ATG4D: variants seen among roughly 807,000 people sequenced by gnomAD.
ATG4D encodes cysteine protease ATG4D.
A neutral mutation model predicts 55.2 loss-of-function variants in ATG4D; 51 were observed. The ratio of observed to expected loss-of-function variants is 0.92; its 90% CI spans 0.74 to 1.17. The LOEUF (loss-of-function observed/expected upper bound fraction) is 1.17, where lower values mean the gene tolerates loss of function less well. ATG4D is among the 50% of genes most tolerant of loss of function. The probability of loss-of-function intolerance (pLI) is 0.00; values close to 1 mark genes in which losing one functional copy is unlikely to be tolerated. For missense variants in ATG4D, 635 were observed against 649.6 expected (o/e 0.98, Z 0.25); for synonymous variants, 268 against 266.2 (o/e 1.01, Z -0.07).
At chr19:10,552,163 G>A (rs780638134) in intron 8 of ATG4D, 42 bp downstream of exon 8, 3 of 1,610,076 alleles carry the variant, frequency 1.9e-6, no homozygotes, top group Non-Finnish European at 2.5e-6. Context: ...CATGGCGGGT[G>A]GGCAGCCCAG....
chr19:10,552,912 C>A lies in ATG4D; in HGVS notation c.1270C>A (p.Arg424=). 6.2e-7 allele frequency: 1 copy of A among 1,612,716 alleles called. No homozygotes were observed. ...CCTCAGCTCCTCCTCAGCCACAGAG[C>A]GGTACCCCATGTTCACCCTGGCCGA... The part of the protein sequence containing the change: ...RVLSSSSATE[R]YPMFTLAEGH... Residue 424 remains arginine (R), a synonymous_variant, in exon 10 of 10, where the codon CGG becomes AGG. Coordinates refer to ENST00000309469, the MANE Select transcript of ATG4D (RefSeq NM_032885.6).
intron 5 of ATG4D, among the ~76,000 whole-genome samples, chr19:10,548,557 T>C (rs1430432055): frequency 6.6e-6 from 1 of 152,112 alleles, no homozygotes; most frequent in Admixed American, 6.6e-5. Flanking sequence ...GTGCTCCAGC[T>C]TCTGTATTGG....
Position 10,552,319 on chromosome 19 carries a change from A to AC in ATG4D, c.1239dup (p.Arg414GlnfsTer56), listed in dbSNP as rs1296618769. ...GTTTGAGACACTCTGCTCAGAGCTG[A>AC]CCAGGGTGAGCAAGAGGAAAGCTGG... On this transcript the variant is annotated frameshift_variant, in exon 9 of 10. Coordinates refer to ENST00000309469, the MANE Select transcript of ATG4D (RefSeq NM_032885.6). LOFTEE classifies it high-confidence loss of function. 4 of 1,611,530 alleles carry AC rather than the reference A, an allele frequency of 2.5e-6. No homozygotes were observed. The highest frequency in any genetic ancestry group is 3.4e-6 in the Non-Finnish European group (4 of 1,179,180).
intron 6 of ATG4D, among the ~76,000 whole-genome samples, chr19:10,549,871 A>G (rs1235431851): frequency 1.3e-5 from 2 of 151,954 alleles, no homozygotes; most frequent in South Asian, 2.1e-4. Context: ...AGCAGTGGCT[A>G]TGTAACCAAA....
At chr19:10,551,631 C>T (rs954962874) in intron 6 of ATG4D, among the ~76,000 whole-genome samples, 9 of 136,398 alleles carry the variant, frequency 6.6e-5, no homozygotes, top group African/African-American at 2.0e-4. Context: ...ACTTAGGAGG[C>T]GGAGGTTGCG....
rs1916356338 is a variant in ATG4D at position 10,553,150 on chromosome 19, G to C, written c.*83G>C. ...GGGTGTGGGATCTTGAGCTCTGGCA[G>C]TGATGATGGTACTTCCTGTTGTCAG... On this transcript the variant is annotated 3_prime_UTR_variant, in exon 10 of 10. Coordinates refer to ENST00000309469, the MANE Select transcript of ATG4D (RefSeq NM_032885.6). 5 of 1,438,878 alleles carry C rather than the reference G, an allele frequency of 3.5e-6. No homozygotes were observed. The highest frequency in any genetic ancestry group is 4.6e-6 in the Non-Finnish European group (5 of 1,083,900). 89.1% of individuals were successfully genotyped at this position (1,438,878 alleles called of 1,614,324 possible). A position where few individuals can be genotyped will look rare whatever the true frequency, so the allele number is the denominator to read the frequency against.
In ATG4D at chr19:10,552,275, A is replaced by G; in HGVS notation, c.1193A>G (p.Tyr398Cys). 3 of 1,613,680 alleles carry G rather than the reference A, an allele frequency of 1.9e-6. No individual in the cohort carries two copies. The highest frequency in any genetic ancestry group is 2.5e-6 in the Non-Finnish European group (3 of 1,180,012). Residue 398 changes from tyrosine to cysteine, a missense_variant, in exon 9 of 10, where the codon TAT becomes TGT. Tyr to Cys is a radical substitution (Grantham distance 194). Transcript: ENST00000309469. Reference protein sequence around the residue: ...KMDPSCTVGFYAGDRKEFETL... With the variant: ...KMDPSCTVGFCAGDRKEFETL... ...GACCCAAGCTGTACCGTGGGCTTCT[A>G]TGCTGGAGACAGGAAGGAGTTTGAG...
chr19:10,549,456 T>G (rs1215962453), intron 6 of ATG4D, among the ~76,000 whole-genome samples: 1 of 151,074 alleles, frequency 6.6e-6, no homozygotes, highest in African/African-American at 2.4e-5. Flanking sequence ...CTTGCTCTTT[T>G]GCCCAGGCTG....
At position 10,552,985 on chromosome 19, in the gene ATG4D, C is replaced by T. The variant is rs1417127120; in HGVS notation, c.1343C>T (p.Ala448Val). Residue 448 changes from alanine (A) to valine (V), a missense_variant, in exon 10 of 10, where the codon GCC becomes GTC. Transcript: ENST00000309469. ...CTGGACGACCTCTGCTCCCAGCTCG[C>T]CCAGCCCACACTCCGGCTCCCTCGC... ...HSLDDLCSQLAQPTLRLPRTG... is the reference protein window; with the variant it reads ...HSLDDLCSQLVQPTLRLPRTG... 1 of 1,613,520 alleles carries T rather than the reference C, an allele frequency of 6.2e-7. No homozygotes were observed. The highest frequency in any genetic ancestry group is 8.5e-7 in the Non-Finnish European group (1 of 1,180,026).
chr19:10,553,139 G>A lies in ATG4D; in HGVS notation c.*72G>A. 6.8e-7 allele frequency: 1 copy of A among 1,472,922 alleles called. No homozygotes were observed. Among genetic ancestry groups the A allele is most frequent in the Admixed American group, 2.2e-5 (1 of 44,986 alleles). 91.2% of individuals were successfully genotyped at this position (1,472,922 alleles called of 1,614,324 possible). ...TATGTCATGTCGGGTGTGGGATCTT[G>A]AGCTCTGGCAGTGATGATGGTACTT... On this transcript the variant is annotated 3_prime_UTR_variant, in exon 10 of 10. Coordinates refer to ENST00000309469, the MANE Select transcript of ATG4D (RefSeq NM_032885.6).
At position 10,551,987 on chromosome 19, in the gene ATG4D, C is replaced by T; in HGVS notation, c.1045+12C>T. The stretch of plus-strand genomic sequence containing the variant: ...CATTGGCTACCAAGGTAGGCCCACC[C>T]CCTCCTCACTCCTCCCACCCCCCAC... On this transcript the variant is annotated intron_variant, in intron 7 of 9. Coordinates refer to ENST00000309469, the MANE Select transcript of ATG4D (RefSeq NM_032885.6). 6.3e-7 allele frequency: 1 copy of T among 1,596,106 alleles called. No individual in the cohort carries two copies. The highest frequency in any genetic ancestry group is 8.6e-7 in the Non-Finnish European group (1 of 1,168,804).
Position 10,544,225 on chromosome 19 carries a change from C to T in ATG4D, c.135C>T (p.Ser45=), listed in dbSNP as rs1263719269. The change falls in exon 1 of 10, where the codon AGC becomes AGT. Residue 45 remains serine, a synonymous_variant. Transcript: ENST00000309469. ...DPNGLGPSGA[S]GPALGSPGAG... is the part of the protein sequence containing the mutation. ...ACGGCCTGGGGCCTTCCGGAGCCAG[C>T]GGCCCCGCTCTTGGCTCTCCCGGGG... 1.4e-5 allele frequency: 17 copies of T among 1,254,928 alleles called. No homozygotes were observed. The highest frequency in any genetic ancestry group is 3.7e-5 in the South Asian group (1 of 27,048). The allele number at this position is 1,254,928 out of a possible 1,614,324, so 77.7% of individuals were successfully genotyped here.
In ATG4D at chr19:10,544,111, C is replaced by T. The variant is rs904914189; in HGVS notation, c.21C>T (p.Ala7=). The change falls in exon 1 of 10, where the codon GCC becomes GCT. Residue 7 remains alanine (A), a synonymous_variant. Transcript: ENST00000309469. The part of the protein sequence containing the change: MNSVSP[A]AAQYRSSSPE... ...CGTCCATGAACTCAGTGTCGCCGGCCGCCGCGCAGTACCGGAGCAGCAGCC... is the reference window on the plus strand; with the variant it reads ...CGTCCATGAACTCAGTGTCGCCGGCTGCCGCGCAGTACCGGAGCAGCAGCC... 1 of 1,241,934 alleles carries T rather than the reference C, an allele frequency of 8.1e-7. No homozygotes were observed. The highest frequency in any genetic ancestry group is 4.2e-5 in the Admixed American group (1 of 23,560). The allele number at this position is 1,241,934 out of a possible 1,614,324, so 76.9% of individuals were successfully genotyped here.
At chr19:10,551,283 GAAACCTCGTCTCTACTA>G (rs1185074523) in intron 6 of ATG4D, among the ~76,000 whole-genome samples, 1 of 151,972 alleles carries the variant, frequency 6.6e-6, no homozygotes, top group Non-Finnish European at 1.5e-5. Flanking sequence ...CCAACATGGT[GAAACCTCGTCTCTACTA>G]AAAATACAAA....
At chr19:10,552,760 G>C (rs1396466647) in intron 9 of ATG4D, 125 bp from the exon 10 acceptor site, 1 of 1,007,938 alleles carries the variant, frequency 9.9e-7, no homozygotes, top group Non-Finnish European at 1.5e-6. Flanking sequence ...CCAGGGGATG[G>C]AAGGTGCTGA....
At chr19:10,547,964 T>C (rs973285907) in intron 5 of ATG4D, among the ~76,000 whole-genome samples, 2 of 142,712 alleles carry the variant, frequency 1.4e-5, no homozygotes, top group African/African-American at 5.2e-5. Context: ...CCCAAAGTGC[T>C]GGGATTACAA....
Position 10,547,843 on chromosome 19 carries a change from C to T in ATG4D, c.835+590C>T, listed in dbSNP as rs564492298. Among the ~76,000 whole-genome samples, 8 of 146,752 alleles carry T rather than the reference C, an allele frequency of 5.5e-5. No homozygotes were observed. In the South Asian group the frequency reaches 1.3e-3, roughly 24 times the overall value. ...TCTCAAATAGCTGGGATTACAGGCA[C>T]GCACCACCATACCAGGCTAATTTTT... On this transcript the variant is annotated intron_variant, in intron 5 of 9. Coordinates refer to ENST00000309469, the MANE Select transcript of ATG4D (RefSeq NM_032885.6).
intron 3 of ATG4D, 30 bp from the exon 4 acceptor site, chr19:10,546,809 A>T: frequency 6.5e-7 from 1 of 1,541,334 alleles, no homozygotes; most frequent in Non-Finnish European, 8.8e-7. Flanking sequence ...ACACACTAGC[A>T]CTGTTTGACT....
In ATG4D at chr19:10,553,201, C is replaced by A. The variant is rs1488471219; in HGVS notation, c.*134C>A. ...CCCCTCAAGCCCAGCTGCAACCAGTCTGGGGCCATTCAGCCAGGGACAGAG... is the reference window on the plus strand; with the variant it reads ...CCCCTCAAGCCCAGCTGCAACCAGTATGGGGCCATTCAGCCAGGGACAGAG... On this transcript the variant is annotated 3_prime_UTR_variant, in exon 10 of 10. Transcript: ENST00000309469. 4 of 1,152,738 alleles carry A rather than the reference C, an allele frequency of 3.5e-6. No homozygotes were observed. Among genetic ancestry groups the A allele is most frequent in the Non-Finnish European group, 4.8e-6 (4 of 839,474 alleles). 71.4% of individuals were successfully genotyped at this position (1,152,738 alleles called of 1,614,324 possible).
Sources: allele counts gnomAD v4.1 joint callset (sites outside exome capture counted in the v4.1 genomes callset), GRCh38; gene constraint gnomAD v4.1.1; transcripts MANE v1.5; gene names NCBI Gene and HGNC (gene_info 2026-07-23, HGNC 2026-07-21).